The following FOXP1 variants were observed in gnomAD, a reference collection of about 807,000 sequenced individuals.
FOXP1 encodes the protein forkhead box P1, also known as forkhead box protein P1.
FOXP1 carries 15 observed loss-of-function variants against 98.2 expected under a neutral mutation model. The observed-to-expected ratio is 0.15, with a 90% CI of 0.10 to 0.24. The LOEUF is 0.24. Among genes scored for constraint, FOXP1 ranks in the 10% least tolerant of loss-of-function variants. FOXP1 has a pLI of 1.00. For missense variants in FOXP1, 633 were observed against 848.5 expected, an observed-to-expected ratio of 0.75 and a Z score of 3.15; for synonymous variants, 371 against 314.5, an observed-to-expected ratio of 1.18 and a Z score of -1.90.
intron 2 of FOXP1, among the ~76,000 whole-genome samples, chr3:71,575,653 C>A (rs545340349): frequency 6.6e-6 from 1 of 152,196 alleles, no homozygotes. Flanking sequence ...GAAACTCAAG[C>A]AAAACTCACA....
chr3:71,190,101 C>A (rs775509251), intron 6 of FOXP1, among the ~76,000 whole-genome samples: 4 of 152,210 alleles, frequency 2.6e-5, no homozygotes, highest in African/African-American at 4.8e-5. Context: ...TAATACACCA[C>A]CTCTTATATG....
rs530560377 is a variant in FOXP1, at chr3:70,965,839, T to C, written c.1889+51A>G. 2.8e-5 allele frequency: 43 copies of C among 1,551,686 alleles called. 1 individual carries two copies. In the South Asian group the frequency reaches 3.5e-4, roughly 12 times the overall value. On this transcript the variant is annotated intron_variant, in intron 20 of 20. Transcript: ENST00000649528. ...AAAGGGCTGTCTCCCTGCGTGTACC[T>C]AGGGAGACTAGGGTCAGATAGCAAA... is the stretch of plus-strand genomic sequence containing the variant.
At chr3:71,004,261 A>G (rs1037851633) in intron 12 of FOXP1, among the ~76,000 whole-genome samples, 3 of 151,478 alleles carry the variant, frequency 2.0e-5, no homozygotes, top group African/African-American at 7.3e-5. Flanking sequence ...TAGCTCTGGG[A>G]AAAAAAAATA....
At position 71,034,601 on chromosome 3, in the gene FOXP1, T is replaced by C. The variant is rs566658583; in HGVS notation, c.869+6727A>G. Among the ~76,000 whole-genome samples, 6 of 152,224 alleles carry C rather than the reference T, an allele frequency of 3.9e-5. No individual in the cohort carries two copies. The South Asian group carries it at 1.2e-3, about 32-fold the overall frequency. ...AATCAGTATAGTATCAAGCCCTATG[T>C]CAAGTCTGTTGAGCATTGTGTCTGG... On this transcript the variant is annotated intron_variant, in intron 11 of 20. Transcript: ENST00000649528.
At chr3:71,372,366 G>C (rs905640137) in intron 3 of FOXP1, among the ~76,000 whole-genome samples, 9 of 152,118 alleles carry the variant, frequency 5.9e-5, no homozygotes, top group Non-Finnish European at 1.3e-4. Flanking sequence ...CCTTTTCCAA[G>C]AGGCCTTCCC....
intron 2 of FOXP1, among the ~76,000 whole-genome samples, chr3:71,534,229 G>A (rs2044101556): frequency 6.6e-6 from 1 of 152,178 alleles, no homozygotes; most frequent in South Asian, 2.1e-4. Context: ...CAGGTGTGGT[G>A]GCGTACGCCT....
intron 2 of FOXP1, among the ~76,000 whole-genome samples, chr3:71,565,449 G>C (rs183110854): frequency 9.3e-5 from 14 of 150,198 alleles, no homozygotes; most frequent in East Asian, 5.8e-4. Context: ...GGCAGTGATG[G>C]GGGGGGAGCT....
chr3:71,155,728 T>C (rs1190296399), intron 6 of FOXP1, among the ~76,000 whole-genome samples: 1 of 152,224 alleles, frequency 6.6e-6, no homozygotes, highest in Non-Finnish European at 1.5e-5. Context: ...TAACATCACA[T>C]TCTTAGTTAC....
At chr3:71,232,892 A>AAAAAAAAAAAAAAAAAAAAAAAAT in intron 5 of FOXP1, among the ~76,000 whole-genome samples, 1 of 147,246 alleles carries the variant, frequency 6.8e-6, no homozygotes, top group Non-Finnish European at 1.5e-5. Context: ...AAAAAAAAAA[A>AAAAAAAAAAAAAAAAAAAAAAAAT]AAAAGCAAGA....
At chr3:71,147,819 C>T (rs1489826943) in intron 6 of FOXP1, among the ~76,000 whole-genome samples, 7 of 152,032 alleles carry the variant, frequency 4.6e-5, no homozygotes, top group South Asian at 2.1e-4. Flanking sequence ...AAAAAATTCT[C>T]GTCATCTCAG....
chr3:71,125,697 T>C (rs943496629), intron 6 of FOXP1, among the ~76,000 whole-genome samples: 1 of 152,010 alleles, frequency 6.6e-6, no homozygotes, highest in Non-Finnish European at 1.5e-5. Context: ...GGAACTTGAG[T>C]CTCCAGGCAT....
At chr3:71,483,044 T>C (rs2090401882) in intron 3 of FOXP1, among the ~76,000 whole-genome samples, 1 of 151,828 alleles carries the variant, frequency 6.6e-6, no homozygotes, top group African/African-American at 2.4e-5. Context: ...CTCACTATGT[T>C]GCCCAGGCTG....
upstream of FOXP1, chr3:71,583,966 C>T: frequency 2.0e-6 from 2 of 981,170 alleles, no homozygotes; most frequent in Non-Finnish European, 2.4e-6. Context: ...TTGCCGTTCG[C>T]CGGGGCGCTG....
intron 5 of FOXP1, among the ~76,000 whole-genome samples, chr3:71,256,162 C>T (rs958055967): frequency 6.6e-6 from 1 of 152,134 alleles, no homozygotes; most frequent in Non-Finnish European, 1.5e-5. Flanking sequence ...ATCAAACTTG[C>T]TGTGATGCAA....
At chr3:71,104,940 A>G (rs1386518922) in intron 7 of FOXP1, among the ~76,000 whole-genome samples, 1 of 152,244 alleles carries the variant, frequency 6.6e-6, no homozygotes, top group Admixed American at 6.5e-5. Flanking sequence ...GCTCAGAGGC[A>G]TCTTGACAGC....
At chr3:71,282,797 C>A (rs2071708098) in intron 5 of FOXP1, among the ~76,000 whole-genome samples, 1 of 152,090 alleles carries the variant, frequency 6.6e-6, no homozygotes. Context: ...CAGATGGGGA[C>A]AATTAACTGA....
At chr3:71,566,573 T>G (rs147252499) in intron 2 of FOXP1, among the ~76,000 whole-genome samples, 1 of 152,190 alleles carries the variant, frequency 6.6e-6, no homozygotes, top group South Asian at 2.1e-4. Flanking sequence ...GGAAAATAGA[T>G]AGGAATGCTC....
intron 6 of FOXP1, among the ~76,000 whole-genome samples, chr3:71,172,230 T>C (rs1199203816): frequency 7.9e-5 from 12 of 152,174 alleles, no homozygotes; most frequent in Non-Finnish European, 1.5e-5. Flanking sequence ...TCTGATACAT[T>C]ACACTAAAGG....
chr3:71,536,454 T>G (rs2107574460), intron 2 of FOXP1, among the ~76,000 whole-genome samples: 1 of 152,210 alleles, frequency 6.6e-6, no homozygotes, highest in Admixed American at 6.5e-5. Context: ...TTTTAGCACT[T>G]CACACAGTCC....
Sources: gnomAD v4.1 joint callset for allele counts (sites outside exome capture counted in the v4.1 genomes callset) on GRCh38, gnomAD v4.1.1 for gene constraint, MANE v1.5 for transcripts, NCBI Gene and HGNC (gene_info 2026-07-23, HGNC 2026-07-21) for gene names.